Variants in SYNE1 observed in about 807,000 individuals in gnomAD.
SYNE1 encodes the protein spectrin repeat containing nuclear envelope protein 1.
SYNE1 carries 616 observed loss-of-function variants against 1,111.0 expected under a neutral mutation model. The ratio of observed to expected loss-of-function variants is 0.55; its 90% CI spans 0.52 to 0.59. The LOEUF (loss-of-function observed/expected upper bound fraction) is 0.59, where lower values mean the gene tolerates loss of function less well. Among genes scored for constraint, SYNE1 ranks in the 20% least tolerant of loss-of-function variants. The pLI is 0.00. For missense variants in SYNE1, 10,006 were observed against 10,417.0 expected (o/e 0.96, Z 1.72); for synonymous variants, 3,855 against 3,825.8 (o/e 1.01, Z -0.28).
chr6:152,251,585 C>A (rs796595890), intron 104 of SYNE1, among the ~76,000 whole-genome samples: 1 of 151,292 alleles, frequency 6.6e-6, no homozygotes, highest in Admixed American at 6.6e-5. Context: ...GGTGAAACCC[C>A]GTCTCTACTA....
intron 108 of SYNE1, among the ~76,000 whole-genome samples, chr6:152,237,454 C>T (rs1003206671): frequency 4.0e-5 from 6 of 151,368 alleles, no homozygotes; most frequent in Non-Finnish European, 8.8e-5. Context: ...GGACCACAGG[C>T]GCATTCCACC....
chr6:152,322,832 CCT>C (rs2095910084), intron 82 of SYNE1, among the ~76,000 whole-genome samples: 1 of 152,114 alleles, frequency 6.6e-6, no homozygotes, highest in Non-Finnish European at 1.5e-5. Context: ...TGAAGGGATG[CCT>C]TCTTTGACCC....
At chr6:152,448,342 C>T (rs974505440) in intron 28 of SYNE1, among the ~76,000 whole-genome samples, 3 of 152,190 alleles carry the variant, frequency 2.0e-5, no homozygotes, top group Admixed American at 6.5e-5. Flanking sequence ...CAGGGGTCCC[C>T]AACCAGGGCC....
At chr6:152,528,603 G>A (rs1047899262) in intron 4 of SYNE1, among the ~76,000 whole-genome samples, 1 of 152,162 alleles carries the variant, frequency 6.6e-6, no homozygotes, top group Non-Finnish European at 1.5e-5. Context: ...GGGTCATAGT[G>A]CTGAAGGTCA....
At chr6:152,511,461 A>C (rs2099084528) in intron 6 of SYNE1, 2 of 924,606 alleles carry the variant, frequency 2.2e-6, no homozygotes, top group Admixed American at 2.0e-5. Flanking sequence ...CTGCAATGAG[A>C]AGTTTAAGAA....
Position 152,331,822 on chromosome 6 carries a change from C to T in SYNE1, c.12863G>A (p.Arg4288Lys). ...TTTCAGATCTTCAATAGCATACTTTCTCTCCTGCAATGCCAATGCTAACTT... is the reference window on the plus strand; with the variant it reads ...TTTCAGATCTTCAATAGCATACTTTTTCTCCTGCAATGCCAATGCTAACTT... ...LKKLALALQE[R>K]KYAIEDLKDQ... The change falls in exon 78 of 146, where the codon AGA (arginine) becomes AAA (lysine). Residue 4288 changes from arginine (R) to lysine (K), a missense_variant. Physicochemically the swap from Arg to Lys is conservative, Grantham distance 26. Coordinates refer to ENST00000367255, the MANE Select transcript of SYNE1 (RefSeq NM_182961.4). 1 of 1,614,122 alleles carries T rather than the reference C, an allele frequency of 6.2e-7. No individual in the cohort carries two copies. The highest frequency in any genetic ancestry group is 8.5e-7 in the Non-Finnish European group (1 of 1,180,034).
intron 61 of SYNE1, chr6:152,368,760 G>A (rs545445645): frequency 4.8e-5 from 29 of 608,712 alleles, no homozygotes; most frequent in African/African-American, 3.8e-4. Context: ...AACCTCCTTC[G>A]GCCTTTTCAG....
Position 152,449,608 on chromosome 6 carries a change from A to G in SYNE1, c.3429T>C (p.Asn1143=), listed in dbSNP as rs142372677. 64 of 1,613,894 alleles carry G rather than the reference A, an allele frequency of 4.0e-5. No homozygotes were observed. Among genetic ancestry groups the G allele is most frequent in the Non-Finnish European group, 5.2e-5 (61 of 1,179,924 alleles). ...CCTTGATCCCCTTTAATTGTGTCTC[A>G]TTTGTAGATATCCAAGATGAGAACT... ...FSEFSSWIST[N]ETQLKGIKGE... Residue 1143 remains asparagine (N), a synonymous_variant, in exon 28 of 146, where the codon AAT becomes AAC. Transcript: ENST00000367255.
rs886043857 is a variant in SYNE1, at chr6:152,334,107, C to G, written c.12695G>C (p.Arg4232Thr). 2 of 1,614,020 alleles carry G rather than the reference C, an allele frequency of 1.2e-6. No individual in the cohort carries two copies. The highest frequency in any genetic ancestry group is 1.7e-6 in the Non-Finnish European group (2 of 1,180,036). Residue 4232 changes from arginine (R) to threonine (T), a missense_variant, in exon 77 of 146, where the codon AGG (arginine) becomes ACG (threonine). Physicochemically the swap from Arg to Thr is moderately conservative, Grantham distance 71. Around this residue, in one of 7 missense-constraint regions of SYNE1, gnomAD observed 4,955 missense variants for 5,017.2 expected, o/e 0.99. Coordinates refer to ENST00000367255, the MANE Select transcript of SYNE1 (RefSeq NM_182961.4). ...TCTTGTTCTCTGAAGATCCTCTTCC[C>G]TTTGCAAGCACAGGTTGTTAGACTG... is the stretch of plus-strand genomic sequence containing the variant. ...CRQSNNLCLQREEDLQRTRDY... is the reference protein window; with the variant it reads ...CRQSNNLCLQTEEDLQRTRDY...
At chr6:152,450,854 T>C (rs1320354559) in intron 26 of SYNE1, 21 bp from the exon 27 acceptor site, 1 of 1,612,576 alleles carries the variant, frequency 6.2e-7, no homozygotes. Flanking sequence ...ATAAATGTTT[T>C]TATAATCCCT....
chr6:152,131,937 G>A (rs563687541), intron 144 of SYNE1, among the ~76,000 whole-genome samples, 185 bp downstream of exon 144: 18 of 152,240 alleles, frequency 1.2e-4, no homozygotes, highest in African/African-American at 3.9e-4. Flanking sequence ...AACCAGAATC[G>A]CTCTTTTCCA....
intron 135 of SYNE1, 40 bp from the exon 136 acceptor site, chr6:152,149,708 T>G: frequency 6.5e-7 from 1 of 1,542,124 alleles, no homozygotes; most frequent in South Asian, 1.1e-5. Context: ...CTATTGTTGT[T>G]GCTTACATTG....
At chr6:152,326,245 G>A (rs2096064790) in intron 79 of SYNE1, 51 bp downstream of exon 79, 1 of 1,612,612 alleles carries the variant, frequency 6.2e-7, no homozygotes. Context: ...ACTACTTTCA[G>A]TGTGGAAATT....
Position 152,471,685 on chromosome 6 carries a change from A to C in SYNE1, c.1544T>G (p.Leu515Arg). 5 of 1,614,038 alleles carry C rather than the reference A, an allele frequency of 3.1e-6. No homozygotes were observed. The highest frequency in any genetic ancestry group is 4.2e-6 in the Non-Finnish European group (5 of 1,179,890). Residue 515 changes from leucine (L) to arginine (R), a missense_variant, in exon 16 of 146, where the codon CTG becomes CGG. Transcript: ENST00000367255. Reference sequence around the variant, plus strand: ...CAGCTTTGACTCTGCAAGAACCAGCAGTGAGAGCAGACGGTACTTTAATTC... The same window carrying C: ...CAGCTTTGACTCTGCAAGAACCAGCCGTGAGAGCAGACGGTACTTTAATTC... ...FLELKYRLLS[L>R]LVLAESKLKS...
Position 152,637,201 on chromosome 6 carries a change from C to G in SYNE1, c.-404G>C, listed in dbSNP as rs1443243450. On this transcript the variant is annotated 5_prime_UTR_variant, in exon 1 of 146. Transcript: ENST00000367255. ...CAGGCTTCCCTACCTCCTGGAGATG[C>G]ACGGCCTTGGGCGTTTCTCCGCAGC... 1 of 152,370 alleles carries G rather than the reference C, an allele frequency of 6.6e-6. No individual in the cohort carries two copies. Among genetic ancestry groups the G allele is most frequent in the African/African-American group, 2.4e-5 (1 of 41,474 alleles). 9.4% of individuals were successfully genotyped at this position (152,370 alleles called of 1,614,324 possible).
rs751355623 is a variant in SYNE1, at chr6:152,133,417, C to T, written c.25860G>A (p.Leu8620=). 5 of 1,614,038 alleles carry T rather than the reference C, an allele frequency of 3.1e-6. No individual in the cohort carries two copies. The East Asian group carries it at 8.9e-5, about 29-fold the overall frequency. The change falls in exon 143 of 146, where the codon CTG becomes CTA. Residue 8620 remains leucine, a synonymous_variant. Coordinates refer to ENST00000367255, the MANE Select transcript of SYNE1 (RefSeq NM_182961.4). ...ASLQDMSCQL[L]VNAEGTDCLE... Reference sequence around the variant, plus strand: ...AACAGTCTGTTCCTTCAGCATTCACCAGTAGTTGGCAAGACATGTCTTGCA... The same window carrying T: ...AACAGTCTGTTCCTTCAGCATTCACTAGTAGTTGGCAAGACATGTCTTGCA...
chr6:152,350,167 C>T lies in SYNE1; in HGVS notation c.11901+1G>A. The T allele has an allele frequency of 6.2e-7, 1 of 1,613,002 alleles. No homozygotes were observed. The highest frequency in any genetic ancestry group is 8.5e-7 in the Non-Finnish European group (1 of 1,180,016). On this transcript the variant is annotated splice_donor_variant, in intron 72 of 145. Coordinates refer to ENST00000367255, the MANE Select transcript of SYNE1 (RefSeq NM_182961.4). LOFTEE classifies it high-confidence loss of function. Reference sequence around the variant, plus strand: ...GGCAGCCCTTTAAAGGTCAGGGGTACCTTGTGGTGGGCCAATTGCTGGGTG... The same window carrying T: ...GGCAGCCCTTTAAAGGTCAGGGGTATCTTGTGGTGGGCCAATTGCTGGGTG...
chr6:152,276,282 G>A (rs2093624725), intron 98 of SYNE1, among the ~76,000 whole-genome samples: 2 of 152,072 alleles, frequency 1.3e-5, no homozygotes, highest in South Asian at 2.1e-4. Flanking sequence ...TGATCCACCT[G>A]CCTTGGCCTC....
At chr6:152,314,552 G>C (rs1372001084) in intron 87 of SYNE1, among the ~76,000 whole-genome samples, 1 of 152,050 alleles carries the variant, frequency 6.6e-6, no homozygotes, top group Non-Finnish European at 1.5e-5. Context: ...ATATTGTACT[G>C]TTTCCTTCTA....
Sources: allele counts gnomAD v4.1 joint callset (sites outside exome capture counted in the v4.1 genomes callset), GRCh38; gene constraint gnomAD v4.1.1; regional missense constraint gnomAD v4.1.1; transcripts MANE v1.5; gene names NCBI Gene and HGNC (gene_info 2026-07-23, HGNC 2026-07-21).